The following TNIP3 variants were observed in gnomAD, a reference collection of about 807,000 sequenced individuals.
The protein encoded by TNIP3 is TNFAIP3-interacting protein 3.
Under a neutral mutation model 54.1 loss-of-function variants are expected in TNIP3, and 34 were observed. That is an observed-to-expected ratio of 0.63 (90% CI 0.48 to 0.84). TNIP3 has a LOEUF of 0.84. Ranked by LOEUF, TNIP3 falls within the 40% of genes least tolerant of loss-of-function variation. The pLI is 0.00. For missense variants in TNIP3, 366 were observed against 387.6 expected, an observed-to-expected ratio of 0.94 and a Z score of 0.47; for synonymous variants, 134 against 136.8, an observed-to-expected ratio of 0.98 and a Z score of 0.14.
At position 121,141,463 on chromosome 4, in the gene TNIP3, CTCAT is replaced by C. The variant is rs1384496262; in HGVS notation, c.885+349_885+352del. On this transcript the variant is annotated intron_variant, in intron 9 of 10. Transcript: ENST00000057513. ...TAAATTTACAACCGAACAAAAGCAT[CTCAT>C]TTTTCTTGTTTTGCCATATCCACTT... 2.0e-5 allele frequency among the ~76,000 whole-genome samples: 3 copies of C among 152,176 alleles called. No individual in the cohort carries two copies. In the South Asian group the frequency reaches 6.2e-4, roughly 31 times the overall value.
chr4:121,138,804 C>T, intron 9 of TNIP3, 120 bp from the exon 10 acceptor site: 1 of 889,058 alleles, frequency 1.1e-6, no homozygotes, highest in South Asian at 1.5e-5. Context: ...AATTTCTATC[C>T]AAACCTATTG....
intron 2 of TNIP3, among the ~76,000 whole-genome samples, chr4:121,202,745 A>C (rs187314571): frequency 2.0e-5 from 3 of 152,100 alleles, no homozygotes; most frequent in Non-Finnish European, 4.4e-5. Context: ...AAAACAGATA[A>C]CCCCATCAAA....
intron 2 of TNIP3, among the ~76,000 whole-genome samples, chr4:121,208,481 AC>A: frequency 6.6e-6 from 1 of 152,134 alleles, no homozygotes; most frequent in Non-Finnish European, 1.5e-5. Context: ...CTCCAACCTA[AC>A]CAATCAGCAC....
At chr4:121,204,706 T>C (rs1726084345) in intron 2 of TNIP3, among the ~76,000 whole-genome samples, 2 of 152,328 alleles carry the variant, frequency 1.3e-5, no homozygotes, top group South Asian at 4.1e-4. Context: ...ATTTTATTTA[T>C]ATAGAATAGA....
chr4:121,213,497 C>T (rs192273302), intron 2 of TNIP3, among the ~76,000 whole-genome samples: 17 of 152,034 alleles, frequency 1.1e-4, no homozygotes, highest in Middle Eastern at 3.4e-3. Context: ...AAGTCCGAGG[C>T]GGGTGGATCA....
At chr4:121,171,404 G>A (rs1723932735) in intron 3 of TNIP3, among the ~76,000 whole-genome samples, 1 of 152,152 alleles carries the variant, frequency 6.6e-6, no homozygotes, top group African/African-American at 2.4e-5. Flanking sequence ...AGAGTAAAAT[G>A]TTCATGTTCA....
At chr4:121,202,495 T>C (rs1725947135) in intron 2 of TNIP3, among the ~76,000 whole-genome samples, 1 of 152,070 alleles carries the variant, frequency 6.6e-6, no homozygotes, top group Non-Finnish European at 1.5e-5. Flanking sequence ...TTTCTAGACA[T>C]TGGCAAAACC....
At chr4:121,205,679 A>G (rs1454491014) in intron 2 of TNIP3, among the ~76,000 whole-genome samples, 1 of 152,132 alleles carries the variant, frequency 6.6e-6, no homozygotes, top group Admixed American at 6.6e-5. Flanking sequence ...TTCTGGGCAT[A>G]ATTTGAATTT....
intron 2 of TNIP3, among the ~76,000 whole-genome samples, chr4:121,208,414 C>T (rs1195075495): frequency 1.3e-5 from 2 of 152,034 alleles, no homozygotes; most frequent in African/African-American, 4.8e-5. Context: ...GTCTTGTGGC[C>T]CCCACCCAGG....
chr4:121,172,314 TG>T (rs1246525424), intron 3 of TNIP3, among the ~76,000 whole-genome samples: 1 of 152,190 alleles, frequency 6.6e-6, no homozygotes, highest in African/African-American at 2.4e-5. Flanking sequence ...AGTGGTTAAC[TG>T]AGGGTTTGAG....
chr4:121,219,321 C>T (rs764689682), upstream of TNIP3, among the ~76,000 whole-genome samples: 79 of 152,104 alleles, frequency 5.2e-4, no homozygotes, highest in Non-Finnish European at 1.1e-3. Flanking sequence ...ATTACTTCTC[C>T]TTTTTCCTCC....
chr4:121,221,769 C>T (rs1204720702), intron 1 of TNIP3, among the ~76,000 whole-genome samples: 2 of 151,326 alleles, frequency 1.3e-5, no homozygotes, highest in Admixed American at 6.6e-5. Flanking sequence ...ATTTTTTTTT[C>T]CACTTCATAT....
At chr4:121,208,944 T>C (rs1463358847) in intron 2 of TNIP3, among the ~76,000 whole-genome samples, 1 of 151,970 alleles carries the variant, frequency 6.6e-6, no homozygotes, top group Non-Finnish European at 1.5e-5. Context: ...TCAGCTCCAT[T>C]CCCCAATCTC....
chr4:121,201,685 A>AAG, intron 2 of TNIP3, among the ~76,000 whole-genome samples: 1 of 152,296 alleles, frequency 6.6e-6, no homozygotes, highest in African/African-American at 2.4e-5. Context: ...CCAACTAGCT[A>AAG]TGATTTGGGC....
At chr4:121,147,994 A>G (rs900578738) in intron 6 of TNIP3, among the ~76,000 whole-genome samples, 13 of 152,244 alleles carry the variant, frequency 8.5e-5, no homozygotes, top group Non-Finnish European at 1.8e-4. Flanking sequence ...GGCTTTATTC[A>G]CCAGAAGCAC....
chr4:121,196,557 A>AT (rs954506381), intron 2 of TNIP3, among the ~76,000 whole-genome samples: 6 of 151,978 alleles, frequency 3.9e-5, no homozygotes, highest in South Asian at 2.1e-4. Context: ...AATTTGTCAC[A>AT]TTTTTTTTAA....
intron 3 of TNIP3, among the ~76,000 whole-genome samples, chr4:121,169,697 A>G (rs1397957737): frequency 6.6e-6 from 1 of 152,202 alleles, no homozygotes; most frequent in Non-Finnish European, 1.5e-5. Context: ...TCTAAAGATC[A>G]GAAACTTCAA....
chr4:121,152,219 A>AATC (rs1460102281), intron 5 of TNIP3, among the ~76,000 whole-genome samples: 1 of 152,210 alleles, frequency 6.6e-6, no homozygotes, highest in Non-Finnish European at 1.5e-5. Flanking sequence ...ATGGTGTGCA[A>AATC]AATCAGCTAC....
intron 2 of TNIP3, among the ~76,000 whole-genome samples, chr4:121,213,465 G>A (rs539590511): frequency 6.6e-6 from 1 of 152,054 alleles, no homozygotes; most frequent in East Asian, 1.9e-4. Context: ...GGTGGCTCAC[G>A]CCTGTAATCC....
Sources: gnomAD v4.1 joint callset for allele counts (sites outside exome capture counted in the v4.1 genomes callset) on GRCh38, gnomAD v4.1.1 for gene constraint, MANE v1.5 for transcripts, NCBI Gene and HGNC (gene_info 2026-07-23, HGNC 2026-07-21) for gene names.